TANK: variants seen among roughly 807,000 people sequenced by gnomAD.
TANK encodes the protein TRAF family member-associated NF-kappa-B activator.
TANK carries 15 observed loss-of-function variants against 43.6 expected under a neutral mutation model. The ratio of observed to expected loss-of-function variants is 0.34; its 90% CI spans 0.23 to 0.53. The LOEUF is 0.53. TANK is among the 20% of genes least tolerant of loss of function. The pLI, the probability that TANK is intolerant of heterozygous loss-of-function variation, is 0.94. For synonymous variants in TANK, 162 were observed against 178.2 expected (o/e 0.91, Z 0.73); for missense variants, 417 against 498.6 (o/e 0.84, Z 1.56).
rs1295804553 is a variant in TANK at position 161,211,814 on chromosome 2, T to A, written c.327+7021T>A. 3.0e-6 allele frequency: 3 copies of A among 985,324 alleles called. No individual in the cohort carries two copies. The African/African-American group carries it at 5.2e-5, about 17-fold the overall frequency. The allele number at this position is 985,324 out of a possible 1,614,324, so 61.0% of individuals were successfully genotyped here. A position where few individuals can be genotyped will look rare whatever the true frequency, so the allele number is the denominator to read the frequency against. ...TTAGAGAACTGGAGAAAAACGTGTT[T>A]GTGTGTAGTACCTCAGGTACTCCTT... On this transcript the variant is annotated intron_variant, in intron 4 of 7. Coordinates refer to ENST00000392749, the MANE Select transcript of TANK (RefSeq NM_001199135.3).
chr2:161,228,729 C>T (rs1241299676), intron 6 of TANK, among the ~76,000 whole-genome samples: 1 of 152,218 alleles, frequency 6.6e-6, no homozygotes, highest in East Asian at 1.9e-4. Context: ...AGAGCAACCT[C>T]CGGTCCTGCA....
intron 1 of TANK, among the ~76,000 whole-genome samples, chr2:161,154,446 A>G (rs2105233948): frequency 6.6e-6 from 1 of 152,354 alleles, no homozygotes; most frequent in East Asian, 1.9e-4. Flanking sequence ...TAATAGTTGT[A>G]GGTGGTAAAG....
chr2:161,160,430 T>A lies in TANK; in HGVS notation c.-106T>A, dbSNP rs1164626331. The A allele has an allele frequency of 2.4e-6, 3 of 1,240,328 alleles. No individual in the cohort carries two copies. The highest frequency in any genetic ancestry group is 2.0e-6 in the Non-Finnish European group (2 of 992,108). 76.8% of individuals were successfully genotyped at this position (1,240,328 alleles called of 1,614,324 possible). On this transcript the variant is annotated 5_prime_UTR_variant, in exon 1 of 8. Transcript: ENST00000392749. ...AAATGCAACTTCCGGTTGGAGTCAC[T>A]CGGCCAGGCGCCGGCGACCTGAGGG...
chr2:161,212,331 G>C (rs538465379), intron 4 of TANK: 2 of 966,708 alleles, frequency 2.1e-6, no homozygotes, highest in Admixed American at 1.2e-4. Flanking sequence ...ATAGTGCTAG[G>C]ATTACAGGTG....
intron 4 of TANK, among the ~76,000 whole-genome samples, chr2:161,220,752 A>G (rs1012631623): frequency 5.9e-5 from 9 of 152,238 alleles, no homozygotes; most frequent in African/African-American, 2.2e-4. Flanking sequence ...AAATAATTTC[A>G]CTTTTAGTAT....
At chr2:161,227,064 AAT>A (rs1405730184) in intron 6 of TANK, 1 of 152,204 alleles carries the variant, frequency 6.6e-6, no homozygotes, top group Non-Finnish European at 1.5e-5. Flanking sequence ...CATGTTTCTC[AAT>A]ATGGTGTCAG....
At chr2:161,210,279 C>G (rs540841334) in intron 4 of TANK, among the ~76,000 whole-genome samples, 1 of 152,232 alleles carries the variant, frequency 6.6e-6, no homozygotes, top group Non-Finnish European at 1.5e-5. Context: ...AAGCTGTTGT[C>G]TAAAAAGTCA....
At chr2:161,161,049 G>A (rs1042755618) in intron 1 of TANK, 4 of 609,558 alleles carry the variant, frequency 6.6e-6, no homozygotes, top group Admixed American at 3.1e-5. Context: ...GGAGTGGGTG[G>A]CCAAGGCAGG....
chr2:161,231,430 CGT>C lies in TANK; in HGVS notation c.983_984del (p.Cys328PhefsTer7). 6.2e-7 allele frequency: 1 copy of C among 1,614,154 alleles called. No individual in the cohort carries two copies. Among genetic ancestry groups the C allele is most frequent in the Non-Finnish European group, 8.5e-7 (1 of 1,180,008 alleles). ...ATCAGGACAACTCTGGATAGAGCTGCGTGTTTGCCACCTGGAGACCATAATGC... is the reference window on the plus strand; with the variant it reads ...ATCAGGACAACTCTGGATAGAGCTGCGTTTGCCACCTGGAGACCATAATGC... On this transcript the variant is annotated frameshift_variant, in exon 7 of 8. Transcript: ENST00000392749. LOFTEE classifies it high-confidence loss of function.
chr2:161,181,993 T>A (rs1242162743), intron 2 of TANK, among the ~76,000 whole-genome samples: 2 of 152,156 alleles, frequency 1.3e-5, no homozygotes, highest in Admixed American at 6.5e-5. Flanking sequence ...TCTCGAACCT[T>A]GTTTTTCCTC....
intron 2 of TANK, among the ~76,000 whole-genome samples, chr2:161,186,203 A>G (rs1015658678): frequency 2.6e-5 from 4 of 152,192 alleles, no homozygotes; most frequent in African/African-American, 7.2e-5. Flanking sequence ...AAGTAAAACA[A>G]CGAAAGTCCT....
intron 4 of TANK, among the ~76,000 whole-genome samples, chr2:161,220,227 G>A (rs1310010016): frequency 1.3e-5 from 2 of 152,136 alleles, no homozygotes. Context: ...CTTAATAGAA[G>A]CCTTTTAAAG....
chr2:161,227,924 TA>T (rs990763677), intron 6 of TANK, among the ~76,000 whole-genome samples: 4 of 152,118 alleles, frequency 2.6e-5, no homozygotes, highest in Non-Finnish European at 5.9e-5. Context: ...GATAAACAAT[TA>T]AGCTTGGTGA....
At chr2:161,140,691 GT>G (rs1184767058) in intron 1 of TANK, among the ~76,000 whole-genome samples, 1 of 151,984 alleles carries the variant, frequency 6.6e-6, no homozygotes. Context: ...AAGGCTAGGA[GT>G]TTTTTAGTAC....
chr2:161,179,550 T>C, intron 1 of TANK, 64 bp from the exon 2 acceptor site: 2 of 1,403,634 alleles, frequency 1.4e-6, no homozygotes, highest in Admixed American at 2.3e-5. Context: ...ATCTTTAAGA[T>C]GCATTTTTAA....
rs376368239 is a variant in TANK, at chr2:161,190,332, A to G, written c.99+10571A>G. Among the ~76,000 whole-genome samples the G allele has an allele frequency of 1.7e-4, 26 of 152,254 alleles. No homozygotes were observed. The East Asian group carries it at 3.1e-3, about 18-fold the overall frequency. On this transcript the variant is annotated intron_variant, in intron 2 of 7. Transcript: ENST00000392749. ...TTGGCAAGGATGTGTAGAAATTAGA[A>G]CCCTTATGCATTGCTAGTAGGAATG...
intron 2 of TANK, among the ~76,000 whole-genome samples, chr2:161,195,122 G>T (rs75311559): frequency 6.6e-6 from 1 of 152,188 alleles, no homozygotes; most frequent in Non-Finnish European, 1.5e-5. Flanking sequence ...AGTCAGGTAT[G>T]TAGGATATAT....
intron 1 of TANK, among the ~76,000 whole-genome samples, chr2:161,165,462 TG>T (rs955359798): frequency 2.6e-5 from 4 of 152,234 alleles, no homozygotes; most frequent in African/African-American, 9.6e-5. Context: ...TACTGGAATG[TG>T]GTTTCATAAC....
At chr2:161,185,409 A>G (rs956838671) in intron 2 of TANK, among the ~76,000 whole-genome samples, 1 of 152,024 alleles carries the variant, frequency 6.6e-6, no homozygotes, top group African/African-American at 2.4e-5. Flanking sequence ...AGTAAAGACA[A>G]TATAAACCAC....
Sources: gnomAD v4.1 joint callset for allele counts (sites outside exome capture counted in the v4.1 genomes callset) on GRCh38, gnomAD v4.1.1 for gene constraint, MANE v1.5 for transcripts, NCBI Gene and HGNC (gene_info 2026-07-23, HGNC 2026-07-21) for gene names.